TMEM64: variants seen among roughly 807,000 people sequenced by gnomAD.
TMEM64 encodes transmembrane protein 64.
TMEM64 carries 19 observed loss-of-function variants against 24.5 expected under a neutral mutation model. The ratio of observed to expected loss-of-function variants is 0.78; its 90% CI spans 0.54 to 1.14. TMEM64 has a LOEUF of 1.14. Ranked by LOEUF, TMEM64 falls within the 50% of genes most tolerant of loss-of-function variation. The probability of loss-of-function intolerance (pLI) is 0.00; values close to 1 mark genes in which losing one functional copy is unlikely to be tolerated. For synonymous variants in TMEM64, 262 were observed against 224.7 expected, an observed-to-expected ratio of 1.17 and a Z score of -1.49; for missense variants, 487 against 493.0, an observed-to-expected ratio of 0.99 and a Z score of 0.12.
At chr8:90,635,370 T>C (rs1487655568) in intron 1 of TMEM64, among the ~76,000 whole-genome samples, 3 of 133,650 alleles carry the variant, frequency 2.2e-5, no homozygotes, top group Admixed American at 2.1e-4. Context: ...TCCAAATCAT[T>C]TTATTTTATT....
In TMEM64 at chr8:90,645,393, A is replaced by G; in HGVS notation, c.513T>C (p.Ser171=). 6.4e-7 allele frequency: 1 copy of G among 1,551,896 alleles called. No homozygotes were observed. Among genetic ancestry groups the G allele is most frequent in the Non-Finnish European group, 8.7e-7 (1 of 1,147,058 alleles). Residue 171 remains serine, a synonymous_variant, in exon 1 of 3, where the codon TCT becomes TCC. Coordinates refer to ENST00000458549, the MANE Select transcript of TMEM64 (RefSeq NM_001008495.4). The surrounding 1 kb of genome is among the most constrained non-coding windows in gnomAD (Gnocchi z 4.2). ...CGATGTAGCCCCAGCCGCAGGGGAA[A>G]GAGACCACGATGAAGCCCACGACGA... ...LLFVVGFIVV[S]FPCGWGYIVL... is the part of the protein sequence containing the mutation.
intron 2 of TMEM64, among the ~76,000 whole-genome samples, chr8:90,628,202 C>T (rs1026559879): frequency 6.6e-6 from 1 of 152,178 alleles, no homozygotes; most frequent in Admixed American, 6.5e-5. Flanking sequence ...GAATCAAACA[C>T]AGGCAGAAGG....
Position 90,645,610 on chromosome 8 carries a change from A to G in TMEM64, c.296T>C (p.Val99Ala). Residue 99 changes from valine to alanine, a missense_variant, in exon 1 of 3, where the codon GTG becomes GCG. Val to Ala is a moderately conservative substitution (Grantham distance 64, BLOSUM62 0). This residue lies in a region of TMEM64 where 419 missense variants were observed against 407.5 expected (regional missense o/e 1.03). Coordinates refer to ENST00000458549, the MANE Select transcript of TMEM64 (RefSeq NM_001008495.4). This position sits in a 1 kb window ranked among gnomAD's most constrained non-coding sequence, Gnocchi z 4.2. ...TCTCACCTCAGCCACGCCGACCACC[A>G]CGCCGCCGCCGCCACTCCCGGGGCC... ...AGGPGSGGGG[V>A]VVGVAEVRNW... is the part of the protein sequence containing the mutation. 6.5e-7 allele frequency: 1 copy of G among 1,534,288 alleles called. No individual in the cohort carries two copies. Among genetic ancestry groups the G allele is most frequent in the Non-Finnish European group, 8.7e-7 (1 of 1,144,556 alleles).
Position 90,645,414 on chromosome 8 carries a change from G to C in TMEM64, c.492C>G (p.Val164=). Residue 164 remains valine (V), a synonymous_variant, in exon 1 of 3, where the codon GTC becomes GTG. Coordinates refer to ENST00000458549, the MANE Select transcript of TMEM64 (RefSeq NM_001008495.4). This position sits in a 1 kb window ranked among gnomAD's most constrained non-coding sequence, Gnocchi z 4.2. ...LDSLLGVLLF[V]VGFIVVSFPC... is the part of the protein sequence containing the mutation. ...GGAAAGAGACCACGATGAAGCCCAC[G>C]ACGAAGAGCAGGACCCCCAGCAGCG... is the stretch of plus-strand genomic sequence containing the variant. The C allele has an allele frequency of 1.3e-6, 2 of 1,551,714 alleles. No homozygotes were observed. The highest frequency in any genetic ancestry group is 1.7e-6 in the Non-Finnish European group (2 of 1,147,014).
intron 1 of TMEM64, among the ~76,000 whole-genome samples, chr8:90,644,882 T>G (rs6994987): frequency 0.17 from 26,099 of 152,220 alleles, 4,752 homozygotes; most frequent in African/African-American, 0.46. Flanking sequence ...TTCCCATCCC[T>G]AAAAGAAACA....
At position 90,645,745 on chromosome 8, in the gene TMEM64, G is replaced by GCGCTCGCCC; in HGVS notation, c.152_160dup (p.Gly51_Ser53dup). 9.0e-7 allele frequency: 1 copy of GCGCTCGCCC among 1,105,664 alleles called. No individual in the cohort carries two copies. The highest frequency in any genetic ancestry group is 1.1e-6 in the Non-Finnish European group (1 of 909,444). 68.5% of individuals were successfully genotyped at this position (1,105,664 alleles called of 1,614,324 possible). ...CGAGGCCGCCGCTGCTGCCGCCGCC[G>GCGCTCGCCC]CGCTCGCCCCGCCCCCGCGGGGAAG... is the stretch of plus-strand genomic sequence containing the variant. On this transcript the variant is annotated inframe_insertion, in exon 1 of 3. Transcript: ENST00000458549. This position sits in a 1 kb window ranked among gnomAD's most constrained non-coding sequence, Gnocchi z 4.2.
chr8:90,626,599 C>T (rs1390383665), intron 2 of TMEM64, among the ~76,000 whole-genome samples: 1 of 149,232 alleles, frequency 6.7e-6, no homozygotes, highest in Non-Finnish European at 1.5e-5. Flanking sequence ...CTATAGGAAG[C>T]TGTGGTCCCT....
intron 2 of TMEM64, 152 bp from the exon 3 acceptor site, chr8:90,626,014 A>G: frequency 1.6e-6 from 1 of 610,374 alleles, no homozygotes; most frequent in Non-Finnish European, 2.8e-6. Flanking sequence ...GTTTACACAC[A>G]GTTATTGTTT....
intron 1 of TMEM64, among the ~76,000 whole-genome samples, chr8:90,636,790 A>G (rs147409575): frequency 6.6e-6 from 1 of 152,272 alleles, no homozygotes; most frequent in East Asian, 1.9e-4. Context: ...TGCAGTACCC[A>G]GCATTTTGGC....
Position 90,625,714 on chromosome 8 carries a change from T to C in TMEM64, c.1100A>G (p.Lys367Arg). ...PNTSGSSFYNKRTLTFSGGGI... is the reference protein window; with the variant it reads ...PNTSGSSFYNRRTLTFSGGGI... ...ACCTCCAGAAAATGTTAGGGTCCTC[T>C]TGTTGTAGAATGAAGAGCCACTGGT... is the stretch of plus-strand genomic sequence containing the variant. The change falls in exon 3 of 3, where the codon AAG becomes AGG. Residue 367 changes from lysine (K) to arginine (R), a missense_variant. Around this residue, in one of 3 missense-constraint regions of TMEM64, gnomAD observed 58 missense variants for 58.2 expected, o/e 1.00. Coordinates refer to ENST00000458549, the MANE Select transcript of TMEM64 (RefSeq NM_001008495.4). 6.2e-7 allele frequency: 1 copy of C among 1,613,864 alleles called. No individual in the cohort carries two copies. Among genetic ancestry groups the C allele is most frequent in the Non-Finnish European group, 8.5e-7 (1 of 1,179,886 alleles).
intron 1 of TMEM64, among the ~76,000 whole-genome samples, chr8:90,640,488 C>T (rs917369938): frequency 5.3e-5 from 8 of 152,164 alleles, no homozygotes; most frequent in African/African-American, 1.9e-4. Flanking sequence ...CTGACCTCAT[C>T]TGTACCCTCT....
chr8:90,645,464 G>A lies in TMEM64; in HGVS notation c.442C>T (p.Leu148=), dbSNP rs1485013239. ...GAGTCAAGGCTCTCCACCCACAGCA[G>A]GAGGTGGTGAAGGTAGCGGCGGACC... ...ALVRRYLHHL[L]LWVESLDSLL... The change falls in exon 1 of 3, where the codon CTG becomes TTG. Residue 148 remains leucine, a synonymous_variant. Transcript: ENST00000458549. The surrounding 1 kb of genome is among the most constrained non-coding windows in gnomAD (Gnocchi z 4.2). The A allele has an allele frequency of 4.5e-6, 7 of 1,551,442 alleles. No homozygotes were observed. In the Admixed American group the frequency reaches 1.4e-4, roughly 30 times the overall value.
intron 2 of TMEM64, among the ~76,000 whole-genome samples, chr8:90,626,609 TCTGTA>T (rs1181514072): frequency 6.7e-6 from 1 of 150,242 alleles, no homozygotes; most frequent in Non-Finnish European, 1.5e-5. Flanking sequence ...CTGTGGTCCC[TCTGTA>T]CTTTTTTTTT....
chr8:90,635,403 A>AT (rs139819870), intron 1 of TMEM64, among the ~76,000 whole-genome samples: 8 of 147,812 alleles, frequency 5.4e-5, no homozygotes, highest in East Asian at 3.9e-4. Flanking sequence ...ATTTTATTTT[A>AT]TTTTTTTTGA....
At chr8:90,644,631 C>T (rs571477227) in intron 1 of TMEM64, among the ~76,000 whole-genome samples, 1 of 152,200 alleles carries the variant, frequency 6.6e-6, no homozygotes, top group Non-Finnish European at 1.5e-5. Flanking sequence ...TCAAATTTAG[C>T]AAACTCCAAA....
At chr8:90,642,385 C>A (rs761340240) in intron 1 of TMEM64, among the ~76,000 whole-genome samples, 13 of 150,478 alleles carry the variant, frequency 8.6e-5, no homozygotes, top group Non-Finnish European at 1.8e-4. Flanking sequence ...TAATTATGGG[C>A]ACACAAAAAA....
chr8:90,642,449 A>G (rs1184082322), intron 1 of TMEM64, among the ~76,000 whole-genome samples: 2 of 151,978 alleles, frequency 1.3e-5, no homozygotes, highest in East Asian at 1.9e-4. Flanking sequence ...GATTTCAAAG[A>G]TAGGGAGGGA....
At chr8:90,639,332 G>A (rs1004551951) in intron 1 of TMEM64, among the ~76,000 whole-genome samples, 8 of 152,030 alleles carry the variant, frequency 5.3e-5, no homozygotes, top group Admixed American at 2.6e-4. Context: ...TTAGGGAGAG[G>A]TCACCAATTT....
chr8:90,627,879 GACT>G (rs1414112549), intron 2 of TMEM64, among the ~76,000 whole-genome samples: 1 of 151,990 alleles, frequency 6.6e-6, no homozygotes, highest in Non-Finnish European at 1.5e-5. Context: ...AGGAGTCTTA[GACT>G]ACTAACAGGT....
Sources: allele counts gnomAD v4.1 joint callset (sites outside exome capture counted in the v4.1 genomes callset), GRCh38; gene constraint gnomAD v4.1.1; regional missense constraint gnomAD v4.1.1; non-coding constraint Gnocchi (gnomAD v3.1); transcripts MANE v1.5; gene names NCBI Gene and HGNC (gene_info 2026-07-23, HGNC 2026-07-21).